MPP7: variants seen among roughly 807,000 people sequenced by gnomAD.
MPP7 encodes MAGUK p55 scaffold protein 7, also known as MAGUK p55 subfamily member 7.
In MPP7, 60 loss-of-function variants were observed where a neutral mutation model predicts 76.5. The ratio of observed to expected loss-of-function variants is 0.78; its 90% CI spans 0.64 to 0.97. MPP7 has a LOEUF of 0.97. Among genes scored for constraint, MPP7 ranks in the 50% least tolerant of loss-of-function variants. MPP7 has a pLI of 0.00. For missense variants in MPP7, 641 were observed against 694.0 expected (o/e 0.92, Z 0.86); for synonymous variants, 237 against 244.5 (o/e 0.97, Z 0.29).
intron 2 of MPP7, among the ~76,000 whole-genome samples, chr10:28,205,417 G>C (rs1280604092): frequency 2.0e-5 from 3 of 152,130 alleles, no homozygotes; most frequent in Non-Finnish European, 4.4e-5. Flanking sequence ...GGAGATTCAA[G>C]GGCAAATGAT....
At chr10:28,182,554 A>G (rs1166919862) in intron 3 of MPP7, among the ~76,000 whole-genome samples, 1 of 152,242 alleles carries the variant, frequency 6.6e-6, no homozygotes, top group African/African-American at 2.4e-5. Flanking sequence ...GAATCCACAC[A>G]AAAGTTATCT....
intron 9 of MPP7, 69 bp downstream of exon 9, chr10:28,120,525 G>T: frequency 2.6e-6 from 4 of 1,515,762 alleles, no homozygotes; most frequent in Non-Finnish European, 3.7e-6. Context: ...TGACAAAGTG[G>T]ATATGTGTTG....
intron 2 of MPP7, among the ~76,000 whole-genome samples, chr10:28,308,667 A>G (rs1841272692): frequency 6.6e-6 from 1 of 152,046 alleles, no homozygotes; most frequent in African/African-American, 2.4e-5. Flanking sequence ...AGTCTCAGCT[A>G]TTCAGGAGGC....
intron 2 of MPP7, among the ~76,000 whole-genome samples, chr10:28,215,765 C>T (rs1241837923): frequency 1.3e-5 from 2 of 152,140 alleles, no homozygotes; most frequent in Non-Finnish European, 2.9e-5. Flanking sequence ...TCATGCTAAC[C>T]TTACAGAATT....
At chr10:28,163,451 G>C (rs1283142443) in intron 3 of MPP7, among the ~76,000 whole-genome samples, 1 of 152,074 alleles carries the variant, frequency 6.6e-6, no homozygotes, top group Non-Finnish European at 1.5e-5. Context: ...AAGTTGTCTT[G>C]CTCACTTTTT....
chr10:28,123,990 T>C, intron 8 of MPP7, 41 bp downstream of exon 8: 3 of 1,326,612 alleles, frequency 2.3e-6, no homozygotes, highest in Non-Finnish European at 3.3e-6. Context: ...AGTGATTCGA[T>C]TTTATTTTTA....
chr10:28,251,302 T>C (rs1245531981), intron 1 of MPP7, among the ~76,000 whole-genome samples: 2 of 151,936 alleles, frequency 1.3e-5, no homozygotes, highest in South Asian at 2.1e-4. Context: ...CCATCTCTAC[T>C]AAAAATACAA....
intron 10 of MPP7, 102 bp from the exon 11 acceptor site, chr10:28,119,817 G>T (rs1181032243): frequency 2.2e-6 from 2 of 901,110 alleles, no homozygotes; most frequent in East Asian, 2.6e-5. Flanking sequence ...AAAGGTTAGA[G>T]AAAAAAATGA....
At chr10:28,333,920 C>T (rs1474697210) in intron 1 of MPP7, among the ~76,000 whole-genome samples, 3 of 152,136 alleles carry the variant, frequency 2.0e-5, no homozygotes, top group Non-Finnish European at 4.4e-5. Context: ...GGGCCGGCTG[C>T]GGTGGCTCGT....
intron 3 of MPP7, among the ~76,000 whole-genome samples, chr10:28,176,534 A>G (rs964763511): frequency 6.6e-6 from 1 of 151,984 alleles, no homozygotes; most frequent in Non-Finnish European, 1.5e-5. Flanking sequence ...GGAGTTTGAG[A>G]CCAGCCTGAC....
intron 3 of MPP7, among the ~76,000 whole-genome samples, chr10:28,193,713 C>T (rs1307154760): frequency 1.3e-5 from 2 of 151,776 alleles, no homozygotes; most frequent in African/African-American, 4.8e-5. Context: ...TGTTAAAGCT[C>T]AACAACAGGA....
intron 1 of MPP7, chr10:28,282,228 T>C (rs753982542): frequency 2.0e-5 from 3 of 152,042 alleles, no homozygotes; most frequent in Non-Finnish European, 4.4e-5. Flanking sequence ...CCTCAGTATA[T>C]TGTCTCTTTT....
chr10:28,181,390 ATCTT>A (rs1429557122), intron 3 of MPP7, among the ~76,000 whole-genome samples: 2 of 152,362 alleles, frequency 1.3e-5, no homozygotes, highest in East Asian at 3.9e-4. Flanking sequence ...GGATAAAAAT[ATCTT>A]TCTTTATTAA....
chr10:28,303,720 T>C (rs564199047), upstream of MPP7, among the ~76,000 whole-genome samples: 1 of 152,184 alleles, frequency 6.6e-6, no homozygotes, highest in South Asian at 2.1e-4. Flanking sequence ...AGACAAACTT[T>C]AAGGAAATCC....
chr10:28,249,461 C>A (rs569759785), intron 1 of MPP7, among the ~76,000 whole-genome samples: 28 of 152,200 alleles, frequency 1.8e-4, no homozygotes, highest in Non-Finnish European at 3.8e-4. Flanking sequence ...TGGTGGCACA[C>A]GCTTGTAGTC....
intron 3 of MPP7, among the ~76,000 whole-genome samples, chr10:28,197,019 C>T (rs1837607509): frequency 6.6e-6 from 1 of 152,108 alleles, no homozygotes; most frequent in Non-Finnish European, 1.5e-5. Flanking sequence ...CCCTTGGCTG[C>T]CCACAGCCTT....
At chr10:28,166,400 ATTTTTT>A (rs34887665) in intron 3 of MPP7, among the ~76,000 whole-genome samples, 2 of 93,436 alleles carry the variant, frequency 2.1e-5, no homozygotes, top group Admixed American at 1.4e-4. Flanking sequence ...TTACCTTTTA[ATTTTTT>A]TTTTTTTTTT....
chr10:28,171,311 T>C (rs7912086), intron 3 of MPP7, among the ~76,000 whole-genome samples: 20,404 of 152,142 alleles, frequency 0.13, 2,029 homozygotes, highest in African/African-American at 0.28. Context: ...TGAAAATTAA[T>C]GAAAACCAGA....
At chr10:28,249,576 C>G (rs1305028262) in intron 1 of MPP7, among the ~76,000 whole-genome samples, 1 of 152,152 alleles carries the variant, frequency 6.6e-6, no homozygotes, top group Non-Finnish European at 1.5e-5. Context: ...CAGAGAGAGA[C>G]TTTGTACACC....
Sources: gnomAD v4.1 joint callset for allele counts (sites outside exome capture counted in the v4.1 genomes callset) on GRCh38, gnomAD v4.1.1 for gene constraint, MANE v1.5 for transcripts, NCBI Gene and HGNC (gene_info 2026-07-23, HGNC 2026-07-21) for gene names.